LGALS3: variants seen among roughly 807,000 people sequenced by gnomAD.
The protein encoded by LGALS3 is galectin-3.
Under a neutral mutation model 20.7 loss-of-function variants are expected in LGALS3, and 18 were observed. The ratio of observed to expected loss-of-function variants is 0.87; its 90% confidence interval spans 0.60 to 1.29. The LOEUF is 1.29. Ranked by LOEUF, LGALS3 falls within the 50% of genes most tolerant of loss-of-function variation. LGALS3 has a pLI of 0.00. For missense variants in LGALS3, 315 were observed against 314.7 expected, an observed-to-expected ratio of 1.00 and a Z score of -0.01; for synonymous variants, 112 against 119.6, an observed-to-expected ratio of 0.94 and a Z score of 0.42.
intron 1 of LGALS3, among the ~76,000 whole-genome samples, chr14:55,130,328 C>A (rs1594647952): frequency 1.3e-5 from 2 of 152,160 alleles, no homozygotes; most frequent in Admixed American, 1.3e-4. Flanking sequence ...GTTCGCCATG[C>A]GGGTTCCAGA....
intron 4 of LGALS3, among the ~76,000 whole-genome samples, chr14:55,141,192 C>T (rs1229484678): frequency 1.3e-5 from 2 of 152,180 alleles, no homozygotes; most frequent in African/African-American, 2.4e-5. Context: ...TGCTCATTCC[C>T]TCCACCTCAG....
chr14:55,134,542 C>T (rs1270546669), intron 1 of LGALS3, among the ~76,000 whole-genome samples: 2 of 152,264 alleles, frequency 1.3e-5, no homozygotes, highest in African/African-American at 4.8e-5. Flanking sequence ...GGGAGACTTT[C>T]TTTTTCTGAA....
intron 1 of LGALS3, among the ~76,000 whole-genome samples, chr14:55,130,759 G>GA (rs1881208162): frequency 6.7e-6 from 1 of 149,760 alleles, no homozygotes; most frequent in Admixed American, 6.6e-5. Context: ...GTGGTGGGGG[G>GA]GGGGGGGTCC....
chr14:55,135,141 A>G (rs1396946757), intron 1 of LGALS3, among the ~76,000 whole-genome samples: 3 of 152,064 alleles, frequency 2.0e-5, no homozygotes, highest in Non-Finnish European at 4.4e-5. Context: ...GTGCAACAGA[A>G]CAAGACCCTG....
chr14:55,133,758 A>C (rs1378830841), intron 1 of LGALS3, among the ~76,000 whole-genome samples: 1 of 152,202 alleles, frequency 6.6e-6, no homozygotes, highest in Admixed American at 6.5e-5. Context: ...ATTTGGTTAG[A>C]TTGGAAAATA....
chr14:55,145,393 AAT>A lies in LGALS3; in HGVS notation c.*124_*125del. 6.6e-7 allele frequency: 1 copy of A among 1,515,498 alleles called. No homozygotes were observed. Among genetic ancestry groups the A allele is most frequent in the Non-Finnish European group, 8.9e-7 (1 of 1,123,874 alleles). The allele number at this position is 1,515,498 out of a possible 1,614,324, so 93.9% of individuals were successfully genotyped here. The stretch of plus-strand genomic sequence containing the variant: ...TATCCCTCTTGTAAGTCATCTACTT[AAT>A]AAATATTACAGTGAATTACCTGTCT... On this transcript the variant is annotated 3_prime_UTR_variant, in exon 6 of 6. Transcript: ENST00000254301.
chr14:55,130,635 C>G (rs910132273), intron 1 of LGALS3, among the ~76,000 whole-genome samples: 1 of 151,510 alleles, frequency 6.6e-6, no homozygotes, highest in African/African-American at 2.4e-5. Context: ...TCTCGGCTCA[C>G]CGCAACCTCT....
At chr14:55,134,080 T>G (rs551534776) in intron 1 of LGALS3, among the ~76,000 whole-genome samples, 7 of 152,208 alleles carry the variant, frequency 4.6e-5, no homozygotes, top group Non-Finnish European at 8.8e-5. Flanking sequence ...TGTTTTCCTT[T>G]TTTTGGTAGA....
intron 2 of LGALS3, chr14:55,137,753 G>A (rs1282121114): frequency 7.5e-7 from 1 of 1,329,044 alleles, no homozygotes; most frequent in Non-Finnish European, 9.6e-7. Flanking sequence ...GAAAAAGTAT[G>A]TGCTATAAGT....
chr14:55,145,415 C>G lies in LGALS3; in HGVS notation c.*144C>G, dbSNP rs1291979504. 2 of 1,430,148 alleles carry G rather than the reference C, an allele frequency of 1.4e-6. No individual in the cohort carries two copies. The highest frequency in any genetic ancestry group is 1.9e-6 in the Non-Finnish European group (2 of 1,053,986). The allele number at this position is 1,430,148 out of a possible 1,614,324, so 88.6% of individuals were successfully genotyped here. A position where few individuals can be genotyped will look rare whatever the true frequency, so the allele number is the denominator to read the frequency against. ...CTTAATAAATATTACAGTGAATTAC[C>G]TGTCTCAATATGTCATTTAATTGGA... On this transcript the variant is annotated 3_prime_UTR_variant, in exon 6 of 6. Coordinates refer to ENST00000254301, the MANE Select transcript of LGALS3 (RefSeq NM_002306.4).
chr14:55,137,437 G>A, intron 2 of LGALS3, 46 bp downstream of exon 2: 1 of 1,614,104 alleles, frequency 6.2e-7, no homozygotes, highest in African/African-American at 1.3e-5. Flanking sequence ...GCTCCACATG[G>A]TTGAGGGTTG....
intron 1 of LGALS3, among the ~76,000 whole-genome samples, chr14:55,134,365 T>G (rs1566780471): frequency 6.6e-6 from 1 of 152,236 alleles, no homozygotes; most frequent in Admixed American, 6.5e-5. Context: ...AGGTTCACAA[T>G]AAGCTCCTGT....
chr14:55,133,250 T>A (rs114145651), intron 1 of LGALS3, among the ~76,000 whole-genome samples: 3,920 of 152,258 alleles, frequency 0.026, 163 homozygotes, highest in African/African-American at 0.09. Flanking sequence ...CGAGCCCTAC[T>A]CCTTGATCTG....
chr14:55,138,095 T>C lies in LGALS3; in HGVS notation c.69T>C (p.Pro23=). 6.6e-7 allele frequency: 1 copy of C among 1,526,638 alleles called. No homozygotes were observed. Among genetic ancestry groups the C allele is most frequent in the Non-Finnish European group, 8.8e-7 (1 of 1,140,508 alleles). 94.6% of individuals were successfully genotyped at this position (1,526,638 alleles called of 1,614,324 possible). The change falls in exon 3 of 6, where the codon CCT becomes CCC. Residue 23 remains proline (P), a synonymous_variant. Transcript: ENST00000254301. ...GSGNPNPQGW[P]GAWGNQPAGA... is the part of the protein sequence containing the mutation. ...GAAACCCAAACCCTCAAGGATGGCC[T>C]GGCGCATGGGGGAACCAGCCTGCTG...
intron 2 of LGALS3, 72 bp downstream of exon 2, chr14:55,137,463 C>G (rs1430738131): frequency 1.2e-6 from 2 of 1,613,818 alleles, no homozygotes; most frequent in East Asian, 2.2e-5. Flanking sequence ...TTTGTTTTTA[C>G]CATGACTTTC....
At chr14:55,145,082 C>A (rs1221918594) in intron 5 of LGALS3, 34 bp from the exon 6 acceptor site, 5 of 1,571,046 alleles carry the variant, frequency 3.2e-6, no homozygotes, top group Non-Finnish European at 4.4e-6. Context: ...ATATGCATTA[C>A]CTCATGTAAC....
intron 2 of LGALS3, 139 bp from the exon 3 acceptor site, chr14:55,137,906 A>C: frequency 7.5e-7 from 1 of 1,332,460 alleles, no homozygotes; most frequent in Non-Finnish European, 9.6e-7. Flanking sequence ...ACTATTAATA[A>C]GTGGAAAAAG....
intron 5 of LGALS3, among the ~76,000 whole-genome samples, chr14:55,143,250 C>T (rs1380245350): frequency 6.6e-6 from 1 of 152,146 alleles, no homozygotes; most frequent in Non-Finnish European, 1.5e-5. Context: ...ACATACAGCA[C>T]GCTTTTTATT....
intron 1 of LGALS3, among the ~76,000 whole-genome samples, chr14:55,135,847 G>A (rs1262587009): frequency 6.6e-6 from 1 of 152,196 alleles, no homozygotes. Context: ...TTACAGGCAT[G>A]AGCCACCACA....
Sources: gnomAD v4.1 joint callset for allele counts (sites outside exome capture counted in the v4.1 genomes callset) on GRCh38, gnomAD v4.1.1 for gene constraint, MANE v1.5 for transcripts, NCBI Gene and HGNC (gene_info 2026-07-23, HGNC 2026-07-21) for gene names.